HNRNPA2B1: variants seen among roughly 807,000 people sequenced by gnomAD.
The protein encoded by HNRNPA2B1 is heterogeneous nuclear ribonucleoprotein A2/B1.
Under a neutral mutation model 46.3 loss-of-function variants are expected in HNRNPA2B1, and 3 were observed. That is an observed-to-expected ratio of 0.06 (90% CI 0.03 to 0.17). HNRNPA2B1 has a LOEUF of 0.17. Among genes scored for constraint, HNRNPA2B1 ranks in the 10% least tolerant of loss-of-function variants. HNRNPA2B1 has a pLI of 1.00. For missense variants in HNRNPA2B1, 221 were observed against 418.9 expected, an observed-to-expected ratio of 0.53 and a Z score of 4.12; for synonymous variants, 225 against 133.8, an observed-to-expected ratio of 1.68 and a Z score of -4.70.
chr7:26,197,240 T>G, intron 3 of HNRNPA2B1, 75 bp downstream of exon 3: 1 of 1,465,702 alleles, frequency 6.8e-7, no homozygotes, highest in Non-Finnish European at 9.2e-7. Context: ...TAAAACTAAA[T>G]TCAGAAATAG....
rs559040556 is a variant in HNRNPA2B1 at position 26,190,798 on chromosome 7, T to A, written c.*1562A>T. Reference sequence around the variant, plus strand: ...TATGAACTACTATCTGAAAATAGATTCAACCATTTTTGCCCTACCTTCTTT... The same window carrying A: ...TATGAACTACTATCTGAAAATAGATACAACCATTTTTGCCCTACCTTCTTT... On this transcript the variant is annotated 3_prime_UTR_variant, in exon 11 of 11. Coordinates refer to ENST00000618183, the MANE Select transcript of HNRNPA2B1 (RefSeq NM_002137.4). 1 of 152,246 alleles carries A rather than the reference T, an allele frequency of 6.6e-6. No individual in the cohort carries two copies. The highest frequency in any genetic ancestry group is 2.1e-4 in the South Asian group (1 of 4,832). 9.4% of individuals were successfully genotyped at this position (152,246 alleles called of 1,614,324 possible).
intron 1 of HNRNPA2B1, 23 bp from the exon 2 acceptor site, chr7:26,197,755 A>T: frequency 6.2e-7 from 1 of 1,601,836 alleles, no homozygotes. Flanking sequence ...ATACCATTTC[A>T]ATTTTTATTT....
At chr7:26,199,053 A>AT (rs1419550594) in intron 1 of HNRNPA2B1, 2 of 152,174 alleles carry the variant, frequency 1.3e-5, no homozygotes, top group African/African-American at 2.4e-5. Flanking sequence ...CACGATAGTT[A>AT]TTTTCATTTT....
In HNRNPA2B1 at chr7:26,196,902, T is replaced by C. The variant is rs774818443; in HGVS notation, c.380A>G (p.Asp127Gly). The C allele has an allele frequency of 6.2e-7, 1 of 1,613,824 alleles. No individual in the cohort carries two copies. Among genetic ancestry groups the C allele is most frequent in the Non-Finnish European group, 8.5e-7 (1 of 1,179,762 alleles). Reference protein sequence around the residue: ...RDYFEEYGKIDTIEIITDRQS... With the variant: ...RDYFEEYGKIGTIEIITDRQS... ...CCTATCAGTAATTATCTCAATGGTA[T>C]CAATTTTTCCATATTCCTCAAAGTA... The change falls in exon 4 of 11, where the codon GAT becomes GGT. Residue 127 changes from aspartate (D) to glycine (G), a missense_variant. Around this residue, in one of 2 missense-constraint regions of HNRNPA2B1, gnomAD observed 78 missense variants for 218.5 expected, o/e 0.36. Transcript: ENST00000618183.
chr7:26,193,101 A>T, intron 9 of HNRNPA2B1, 150 bp downstream of exon 9: 2 of 715,946 alleles, frequency 2.8e-6, no homozygotes, highest in Admixed American at 2.9e-5. Context: ...TTCTGTGGAG[A>T]TTTATGCAAA....
intron 6 of HNRNPA2B1, 137 bp from the exon 7 acceptor site, chr7:26,196,046 C>A (rs1206535870): frequency 1.6e-6 from 2 of 1,227,966 alleles, no homozygotes; most frequent in African/African-American, 1.6e-5. Context: ...TACCAGTTTA[C>A]CCACAAAACA....
At chr7:26,194,213 G>C (rs370000621) in intron 7 of HNRNPA2B1, among the ~76,000 whole-genome samples, 2 of 152,040 alleles carry the variant, frequency 1.3e-5, no homozygotes, top group Non-Finnish European at 2.9e-5. Context: ...TGGCTAACAC[G>C]GTGAAACCCC....
chr7:26,192,428 A>T lies in HNRNPA2B1; in HGVS notation c.*21+67T>A, dbSNP rs772184758. 438 of 1,046,426 alleles carry T rather than the reference A, an allele frequency of 4.2e-4. 5 individuals are homozygous for T. The Middle Eastern group carries it at 0.013, about 30-fold the overall frequency. The allele number at this position is 1,046,426 out of a possible 1,614,324, so 64.8% of individuals were successfully genotyped here. A position where few individuals can be genotyped will look rare whatever the true frequency, so the allele number is the denominator to read the frequency against. Reference sequence around the variant, plus strand: ...TTAAGGAAAGATAACATGATCCTAAAAAGCTTTTACTCCTGCAGCTATGTC... The same window carrying T: ...TTAAGGAAAGATAACATGATCCTAATAAGCTTTTACTCCTGCAGCTATGTC... On this transcript the variant is annotated intron_variant, in intron 10 of 10. Transcript: ENST00000618183.
intron 1 of HNRNPA2B1, chr7:26,200,277 G>A (rs904812384): frequency 6.4e-6 from 3 of 471,864 alleles, no homozygotes; most frequent in East Asian, 3.7e-5. Flanking sequence ...AAGGGAATAA[G>A]AATTCCCGCC....
At chr7:26,193,793 A>C in intron 7 of HNRNPA2B1, 99 bp from the exon 8 acceptor site, 1 of 1,040,136 alleles carries the variant, frequency 9.6e-7, no homozygotes, top group Non-Finnish European at 1.4e-6. Flanking sequence ...TTTCCATGTG[A>C]AATATTTAAT....
intron 3 of HNRNPA2B1, 143 bp downstream of exon 3, chr7:26,197,172 G>T: frequency 8.4e-7 from 1 of 1,194,330 alleles, no homozygotes. Flanking sequence ...AAATAAGCTA[G>T]CTTAAGAAAA....
rs186651396 is a variant in HNRNPA2B1, at chr7:26,193,747, G to A, written c.722-53C>T. ...CACTTAATATTTTCAATACCATTTT[G>A]AACTGTCTCCTCACATCCATTTCCA... is the stretch of plus-strand genomic sequence containing the variant. On this transcript the variant is annotated intron_variant, in intron 7 of 10. Coordinates refer to ENST00000618183, the MANE Select transcript of HNRNPA2B1 (RefSeq NM_002137.4). 6.0e-5 allele frequency: 88 copies of A among 1,456,496 alleles called. No homozygotes were observed. The East Asian group carries it at 1.9e-3, about 32-fold the overall frequency. The allele number at this position is 1,456,496 out of a possible 1,614,324, so 90.2% of individuals were successfully genotyped here. A position where few individuals can be genotyped will look rare whatever the true frequency, so the allele number is the denominator to read the frequency against.
chr7:26,193,561 G>A lies in HNRNPA2B1; in HGVS notation c.841+14C>T, dbSNP rs1186569986. The stretch of plus-strand genomic sequence containing the variant: ...TCCAAATTCCCACATAAAGGTTGCA[G>A]GTGAATTTATTACCTCCTCCATAGT... On this transcript the variant is annotated intron_variant, in intron 8 of 10. Transcript: ENST00000618183. The A allele has an allele frequency of 1.3e-6, 2 of 1,575,040 alleles. No homozygotes were observed. Among genetic ancestry groups the A allele is most frequent in the African/African-American group, 1.4e-5 (1 of 72,186 alleles).
In HNRNPA2B1 at chr7:26,197,726, TTTCTCTC is replaced by T; in HGVS notation, c.7-1_12del. 1 of 1,612,340 alleles carries T rather than the reference TTTCTCTC, an allele frequency of 6.2e-7. No homozygotes were observed. Among genetic ancestry groups the T allele is most frequent in the Non-Finnish European group, 8.5e-7 (1 of 1,179,106 alleles). The stretch of plus-strand genomic sequence containing the variant: ...ATAAAGAGCTTACGGAACTGTTCCT[TTTCTCTC>T]TGCAAAGGAAAATACCATTTCAATT... On this transcript the variant is annotated splice_acceptor_variant and coding_sequence_variant, in exon 2 of 11. Coordinates refer to ENST00000618183, the MANE Select transcript of HNRNPA2B1 (RefSeq NM_002137.4). LOFTEE classifies it high-confidence loss of function.
At position 26,200,728 on chromosome 7, in the gene HNRNPA2B1, A is replaced by T. The variant is rs1446214112; in HGVS notation, c.-151T>A. 6 of 962,084 alleles carry T rather than the reference A, an allele frequency of 6.2e-6. No individual in the cohort carries two copies. The highest frequency in any genetic ancestry group is 5.2e-5 in the South Asian group (4 of 76,722). The allele number at this position is 962,084 out of a possible 1,614,324, so 59.6% of individuals were successfully genotyped here. ...TCTGCGAGGAGCACCTCCGCACGGG[A>T]CCCGGCGCTGCTGCTACTGCCGCTA... On this transcript the variant is annotated 5_prime_UTR_variant, in exon 1 of 11. Coordinates refer to ENST00000618183, the MANE Select transcript of HNRNPA2B1 (RefSeq NM_002137.4).
chr7:26,200,285 G>A lies in HNRNPA2B1; in HGVS notation c.6+287C>T, dbSNP rs546049938. ...CTTTAGAAAGGGAATAAGAATTCCC[G>A]CCTCCGCGCCCCACTTTCACCCCAG... On this transcript the variant is annotated intron_variant, in intron 1 of 10. Coordinates refer to ENST00000618183, the MANE Select transcript of HNRNPA2B1 (RefSeq NM_002137.4). 34 of 485,952 alleles carry A rather than the reference G, an allele frequency of 7.0e-5. No homozygotes were observed. The Admixed American group carries it at 1.1e-3, about 15-fold the overall frequency. 30.1% of individuals were successfully genotyped at this position (485,952 alleles called of 1,614,324 possible). A position where few individuals can be genotyped will look rare whatever the true frequency, so the allele number is the denominator to read the frequency against.
intron 7 of HNRNPA2B1, among the ~76,000 whole-genome samples, chr7:26,194,813 G>A (rs1434266602): frequency 3.4e-5 from 5 of 144,946 alleles, no homozygotes; most frequent in Non-Finnish European, 4.5e-5. Context: ...AAAAAAAAAA[G>A]GCTGGGCATG....
chr7:26,195,659 C>T, intron 7 of HNRNPA2B1, 188 bp downstream of exon 7: 1 of 564,694 alleles, frequency 1.8e-6, no homozygotes, highest in South Asian at 2.4e-5. Flanking sequence ...TTTAAAATGG[C>T]ACTCTATTCC....
intron 1 of HNRNPA2B1, chr7:26,198,066 G>T: frequency 2.4e-6 from 1 of 410,018 alleles, no homozygotes; most frequent in Non-Finnish European, 4.3e-6. Context: ...AACAAATGTA[G>T]ACCGTGATTA....
Sources: allele counts gnomAD v4.1 joint callset (sites outside exome capture counted in the v4.1 genomes callset), GRCh38; gene constraint gnomAD v4.1.1; regional missense constraint gnomAD v4.1.1; transcripts MANE v1.5; gene names NCBI Gene and HGNC (gene_info 2026-07-23, HGNC 2026-07-21).